DPF3: variants seen among roughly 807,000 people sequenced by gnomAD.
DPF3 encodes double PHD fingers 3.
DPF3 carries 18 observed loss-of-function variants against 56.8 expected under a neutral mutation model. The ratio of observed to expected loss-of-function variants is 0.32; its 90% CI spans 0.22 to 0.47. The LOEUF (loss-of-function observed/expected upper bound fraction) is 0.47. Ranked by LOEUF, DPF3 falls within the 20% of genes least tolerant of loss-of-function variation. The pLI is 1.00. For synonymous variants in DPF3, 188 were observed against 180.2 expected (o/e 1.04, Z -0.35); for missense variants, 403 against 488.8 (o/e 0.82, Z 1.65).
At chr14:72,788,430 G>T (rs1236982200) in intron 1 of DPF3, among the ~76,000 whole-genome samples, 1 of 152,154 alleles carries the variant, frequency 6.6e-6, no homozygotes, top group Non-Finnish European at 1.5e-5. Context: ...GGAGGAGGAG[G>T]AGGAGGGGGG....
intron 9 of DPF3, among the ~76,000 whole-genome samples, chr14:72,624,730 G>A (rs1003591702): frequency 6.6e-6 from 1 of 151,988 alleles, no homozygotes; most frequent in Non-Finnish European, 1.5e-5. Context: ...ATCTGTGACA[G>A]TTCCTCAGTT....
chr14:72,851,222 C>T (rs149502666), intron 1 of DPF3, among the ~76,000 whole-genome samples: 38 of 152,346 alleles, frequency 2.5e-4, no homozygotes, highest in African/African-American at 9.1e-4. Context: ...CTCAATCCCT[C>T]ATCAGCCTAT....
At position 72,725,446 on chromosome 14, in the gene DPF3, A is replaced by T. The variant is rs533813089; in HGVS notation, c.430-1718T>A. 3.9e-5 allele frequency among the ~76,000 whole-genome samples: 6 copies of T among 152,090 alleles called. No individual in the cohort carries two copies. The East Asian group carries it at 7.8e-4, about 20-fold the overall frequency. On this transcript the variant is annotated intron_variant, in intron 4 of 10. Transcript: ENST00000556509. ...TGAGGACAGAGGGGAGGGAGGGAAAAGGTTCTAGGCAGAGGAAACAGCATA... is the reference window on the plus strand; with the variant it reads ...TGAGGACAGAGGGGAGGGAGGGAAATGGTTCTAGGCAGAGGAAACAGCATA...
chr14:72,849,948 T>G (rs1279571000), intron 1 of DPF3, among the ~76,000 whole-genome samples: 1 of 152,096 alleles, frequency 6.6e-6, no homozygotes, highest in South Asian at 2.1e-4. Context: ...TGAAACCACA[T>G]CTTTACTTAA....
chr14:72,835,089 C>CTTT (rs560010850), intron 1 of DPF3, among the ~76,000 whole-genome samples: 2,636 of 98,622 alleles, frequency 0.027, 75 homozygotes, highest in African/African-American at 0.096. Context: ...TGCAGAATTT[C>CTTT]TTTTTTCTTT....
intron 1 of DPF3, among the ~76,000 whole-genome samples, chr14:72,799,377 T>A (rs1215134123): frequency 6.6e-6 from 1 of 152,150 alleles, no homozygotes; most frequent in East Asian, 1.9e-4. Flanking sequence ...AAACCGGCCA[T>A]GTTCTAGCCA....
At chr14:72,859,016 C>G (rs61986336) in intron 1 of DPF3, among the ~76,000 whole-genome samples, 34,593 of 151,976 alleles carry the variant, frequency 0.23, 5,114 homozygotes, top group Non-Finnish European at 0.31. Flanking sequence ...TAAACAGTAA[C>G]TGGATATTTA....
chr14:72,714,464 G>A lies in DPF3; in HGVS notation c.563C>T (p.Ala188Val). 1 of 1,613,876 alleles carries A rather than the reference G, an allele frequency of 6.2e-7. No homozygotes were observed. The highest frequency in any genetic ancestry group is 1.1e-5 in the South Asian group (1 of 91,082). Residue 188 changes from alanine to valine, a missense_variant, in exon 6 of 11, where the codon GCC becomes GTC. This residue lies in a region of DPF3 where 340 missense variants were observed against 374.3 expected (regional missense o/e 0.91). Coordinates refer to ENST00000556509, the MANE Select transcript of DPF3 (RefSeq NM_001280542.3). Reference sequence around the variant, plus strand: ...TTTGTCGTGGTCTTCCTGAGAGGCGGCGTCGTGCCTCCTCCTGCCCCCTGC... The same window carrying A: ...TTTGTCGTGGTCTTCCTGAGAGGCGACGTCGTGCCTCCTCCTGCCCCCTGC... ...GSAGGRRRHD[A>V]ASQEDHDKPY...
chr14:72,753,562 T>G (rs888917989), intron 2 of DPF3, among the ~76,000 whole-genome samples, 191 bp from the exon 3 acceptor site: 1 of 152,158 alleles, frequency 6.6e-6, no homozygotes, highest in African/African-American at 2.4e-5. Flanking sequence ...GGACCCTGGC[T>G]CTGTCAGCTC....
chr14:72,800,500 G>A (rs948127414), intron 1 of DPF3, among the ~76,000 whole-genome samples: 2 of 152,076 alleles, frequency 1.3e-5, no homozygotes, highest in East Asian at 1.9e-4. Flanking sequence ...ATGGATGGAT[G>A]GATGCATGGA....
chr14:72,893,014 AGGAAG>A (rs1184268850), intron 1 of DPF3, among the ~76,000 whole-genome samples: 15 of 110,270 alleles, frequency 1.4e-4, no homozygotes, highest in African/African-American at 4.6e-4. Context: ...GAAGGAAGGA[AGGAAG>A]GAAGGATGAA....
chr14:72,797,208 A>G (rs568006763), intron 1 of DPF3, among the ~76,000 whole-genome samples: 1 of 152,344 alleles, frequency 6.6e-6, no homozygotes, highest in African/African-American at 2.4e-5. Context: ...GAGAATGAGC[A>G]GACACAGAAC....
Position 72,610,991 on chromosome 14 carries a change from G to A in DPF3, c.*8306C>T, listed in dbSNP as rs971869328. On this transcript the variant is annotated 3_prime_UTR_variant, in exon 11 of 11. Transcript: ENST00000556509. ...CCCTGCATGCTTTTCAGGCTGTCAC[G>A]CACTTTAAAACCAGACTCACAGCCA... 2.0e-5 allele frequency among the ~76,000 whole-genome samples: 3 copies of A among 152,146 alleles called. No homozygotes were observed. Among genetic ancestry groups the A allele is most frequent in the African/African-American group, 4.8e-5 (2 of 41,418 alleles).
chr14:72,838,909 T>TATATATATATATATATATA (rs1491369142), intron 1 of DPF3, among the ~76,000 whole-genome samples: 19 of 7,642 alleles, frequency 2.5e-3, no homozygotes, highest in East Asian at 6.9e-3. Context: ...ATATATATTC[T>TATATATATATATATATATA]TTTTTTTTTT....
intron 2 of DPF3, among the ~76,000 whole-genome samples, chr14:72,760,392 T>C (rs568870407): frequency 1.6e-4 from 25 of 152,292 alleles, no homozygotes; most frequent in African/African-American, 5.5e-4. Context: ...TCCTCCTGCC[T>C]TCCTTTTATA....
At chr14:72,820,205 G>A (rs996059040) in intron 1 of DPF3, among the ~76,000 whole-genome samples, 6 of 151,880 alleles carry the variant, frequency 4.0e-5, no homozygotes, top group African/African-American at 4.8e-5. Context: ...TGCAAACTGG[G>A]GAAAATATTT....
intron 5 of DPF3, among the ~76,000 whole-genome samples, chr14:72,716,228 G>C (rs534497859): frequency 6.6e-6 from 1 of 152,104 alleles, no homozygotes; most frequent in African/African-American, 2.4e-5. Flanking sequence ...AGCAGGAAAG[G>C]GAGGGTGCTG....
intron 6 of DPF3, among the ~76,000 whole-genome samples, chr14:72,710,795 C>G (rs903843743): frequency 6.6e-6 from 1 of 152,164 alleles, no homozygotes; most frequent in Non-Finnish European, 1.5e-5. Context: ...AGGGAAGAAA[C>G]AGAACTTTAA....
At chr14:72,630,548 C>T (rs1885109983) in intron 8 of DPF3, among the ~76,000 whole-genome samples, 2 of 152,208 alleles carry the variant, frequency 1.3e-5, no homozygotes, top group African/African-American at 4.8e-5. Flanking sequence ...TGGAACTGGA[C>T]TCTGTCCTCA....
Sources: allele counts gnomAD v4.1 joint callset (sites outside exome capture counted in the v4.1 genomes callset), GRCh38; gene constraint gnomAD v4.1.1; regional missense constraint gnomAD v4.1.1; transcripts MANE v1.5; gene names NCBI Gene and HGNC (gene_info 2026-07-23, HGNC 2026-07-21).